Variants in PTPRD observed in about 807,000 individuals in gnomAD.
PTPRD encodes the protein receptor-type tyrosine-protein phosphatase delta.
Under a neutral mutation model 214.5 loss-of-function variants are expected in PTPRD, and 34 were observed. The observed-to-expected ratio is 0.16, with a 90% CI of 0.12 to 0.21. PTPRD has a LOEUF of 0.21. PTPRD is among the 10% of genes least tolerant of loss of function. The pLI is 1.00. For missense variants in PTPRD, 2,545 were observed against 2,398.7 expected (o/e 1.06, Z -1.27); for synonymous variants, 1,128 against 845.7 (o/e 1.33, Z -5.79).
chr9:8,821,193 G>T (rs994057257), intron 11 of PTPRD, among the ~76,000 whole-genome samples: 1 of 152,046 alleles, frequency 6.6e-6, no homozygotes, highest in Non-Finnish European at 1.5e-5. Flanking sequence ...GGAAACAATG[G>T]GAATAAGAAA....
intron 11 of PTPRD, among the ~76,000 whole-genome samples, chr9:8,963,287 G>A (rs2099168387): frequency 1.3e-5 from 2 of 152,062 alleles, no homozygotes; most frequent in South Asian, 4.1e-4. Flanking sequence ...GGACATTAGT[G>A]GTTTGGAATC....
At chr9:9,186,628 CT>C (rs2099931707) in intron 9 of PTPRD, among the ~76,000 whole-genome samples, 1 of 51,512 alleles carries the variant, frequency 1.9e-5, no homozygotes. Context: ...CTCTCTGTCT[CT>C]CCCTCTCTCT....
chr9:10,231,149 G>T (rs1250771935), intron 3 of PTPRD, among the ~76,000 whole-genome samples: 2 of 151,972 alleles, frequency 1.3e-5, no homozygotes, highest in South Asian at 2.1e-4. Context: ...TAAACCAGAA[G>T]TAACAGTTGA....
chr9:9,353,768 G>C (rs1023754727), intron 9 of PTPRD, among the ~76,000 whole-genome samples: 1 of 151,816 alleles, frequency 6.6e-6, no homozygotes, highest in African/African-American at 2.4e-5. Flanking sequence ...CTGCCTGGTA[G>C]ATTACCACAA....
chr9:9,290,836 G>C (rs1229760053), intron 9 of PTPRD, among the ~76,000 whole-genome samples: 1 of 151,538 alleles, frequency 6.6e-6, no homozygotes, highest in East Asian at 2.0e-4. Context: ...AGGTAATCAA[G>C]AAATATATAT....
At chr9:10,584,506 G>C (rs192398944) in intron 2 of PTPRD, among the ~76,000 whole-genome samples, 28 of 152,234 alleles carry the variant, frequency 1.8e-4, no homozygotes, top group African/African-American at 6.5e-4. Flanking sequence ...TTCCAGATCT[G>C]GGTTTCAGCT....
At chr9:8,985,495 C>G (rs184853091) in intron 11 of PTPRD, among the ~76,000 whole-genome samples, 17 of 152,202 alleles carry the variant, frequency 1.1e-4, no homozygotes, top group Admixed American at 1.1e-3. Context: ...CTACTTCATT[C>G]TGAAAACCTG....
At chr9:8,618,835 T>C (rs1305214018) in intron 14 of PTPRD, among the ~76,000 whole-genome samples, 2 of 150,602 alleles carry the variant, frequency 1.3e-5, no homozygotes, top group South Asian at 2.1e-4. Flanking sequence ...GGGTTGAGAC[T>C]ACAGGTGCAT....
At chr9:9,821,305 T>G (rs1354414574) in intron 5 of PTPRD, among the ~76,000 whole-genome samples, 1 of 152,176 alleles carries the variant, frequency 6.6e-6, no homozygotes, top group African/African-American at 2.4e-5. Flanking sequence ...TTGAGACATT[T>G]AACCACTGAA....
At chr9:9,893,623 T>C (rs560723951) in intron 5 of PTPRD, among the ~76,000 whole-genome samples, 1 of 152,260 alleles carries the variant, frequency 6.6e-6, no homozygotes, top group Admixed American at 6.6e-5. Flanking sequence ...GTTTTGACAT[T>C]GGAGAATTGA....
chr9:10,152,428 G>A (rs2154279041), intron 3 of PTPRD, among the ~76,000 whole-genome samples: 1 of 152,214 alleles, frequency 6.6e-6, no homozygotes, highest in Non-Finnish European at 1.5e-5. Flanking sequence ...CATCAGATAT[G>A]TGATTCACAA....
chr9:9,091,479 T>A (rs2099775784), intron 10 of PTPRD, among the ~76,000 whole-genome samples: 1 of 152,180 alleles, frequency 6.6e-6, no homozygotes, highest in Non-Finnish European at 1.5e-5. Context: ...CTTATAGGAA[T>A]TCTAGGTAGC....
intron 3 of PTPRD, among the ~76,000 whole-genome samples, chr9:10,103,395 T>TATATATATATATATATATATATATATATA (rs34926923): frequency 0.015 from 1,761 of 115,646 alleles, 165 homozygotes; most frequent in Non-Finnish European, 0.018. Flanking sequence ...ATATATATAT[T>TATATATATATATATATATATATATATATA]TATTTAAGAG....
At chr9:8,550,876 C>G (rs2081891615) in intron 14 of PTPRD, among the ~76,000 whole-genome samples, 1 of 152,136 alleles carries the variant, frequency 6.6e-6, no homozygotes, top group African/African-American at 2.4e-5. Context: ...GCAACAGCAC[C>G]AAGGCTGGGT....
intron 4 of PTPRD, among the ~76,000 whole-genome samples, chr9:9,975,289 C>T (rs1025852875): frequency 2.6e-5 from 4 of 152,240 alleles, no homozygotes; most frequent in African/African-American, 9.6e-5. Context: ...TAGCTCCTCT[C>T]TTTGAACCAA....
chr9:8,618,906 G>GTT lies in PTPRD; in HGVS notation c.352+14409_352+14410dup, dbSNP rs1270022921. Among the ~76,000 whole-genome samples, 69 of 96,838 alleles carry GTT rather than the reference G, an allele frequency of 7.1e-4. 2 individuals carry two copies. The highest frequency in any genetic ancestry group is 2.6e-3 in the African/African-American group (66 of 25,498). 63.5% of individuals were successfully genotyped at this position (96,838 alleles called of 152,430 possible). ...TGTGTGTGTGTGTGTGTTTGTCTGTGTTTTTTTGTTTTTTTTTTTTTTTTT... is the reference window on the plus strand; with the variant it reads ...TGTGTGTGTGTGTGTGTTTGTCTGTGTTTTTTTTTGTTTTTTTTTTTTTTTTT... On this transcript the variant is annotated intron_variant, in intron 14 of 45. Transcript: ENST00000381196.
intron 36 of PTPRD, 152 bp from the exon 37 acceptor site, chr9:8,389,559 A>G: frequency 5.5e-6 from 3 of 541,330 alleles, no homozygotes; most frequent in East Asian, 6.3e-5. Context: ...AAGATTAAAA[A>G]CAGGTCCTAT....
intron 5 of PTPRD, among the ~76,000 whole-genome samples, chr9:9,863,765 A>G (rs1473132521): frequency 6.6e-6 from 1 of 152,082 alleles, no homozygotes; most frequent in East Asian, 1.9e-4. Flanking sequence ...AACTTCAGAA[A>G]GACACTCTCT....
chr9:9,921,198 T>G (rs1256492037), intron 5 of PTPRD, among the ~76,000 whole-genome samples: 1 of 152,154 alleles, frequency 6.6e-6, no homozygotes, highest in Non-Finnish European at 1.5e-5. Context: ...TGTTCATTAT[T>G]AACTGCTTTT....
Sources: allele counts gnomAD v4.1 joint callset (sites outside exome capture counted in the v4.1 genomes callset), GRCh38; gene constraint gnomAD v4.1.1; transcripts MANE v1.5; gene names NCBI Gene and HGNC (gene_info 2026-07-23, HGNC 2026-07-21).